The following DENND5B variants were observed in gnomAD, a reference collection of about 807,000 sequenced individuals.
DENND5B encodes the protein DENN domain-containing protein 5B.
A neutral mutation model predicts 140.6 loss-of-function variants in DENND5B; 34 were observed. That is an observed-to-expected ratio of 0.24 (90% CI 0.18 to 0.32). The LOEUF (loss-of-function observed/expected upper bound fraction) is 0.32. DENND5B is among the 10% of genes least tolerant of loss of function. DENND5B has a pLI of 1.00. For synonymous variants in DENND5B, 551 were observed against 562.1 expected (o/e 0.98, Z 0.28); for missense variants, 1,142 against 1,560.2 (o/e 0.73, Z 4.52).
chr12:31,519,182 T>C (rs1346061463), intron 1 of DENND5B, among the ~76,000 whole-genome samples: 1 of 152,196 alleles, frequency 6.6e-6, no homozygotes. Context: ...GGGTGCTTGG[T>C]GATTAGCCAA....
chr12:31,484,597 T>C (rs1782088562), intron 2 of DENND5B, among the ~76,000 whole-genome samples: 1 of 152,116 alleles, frequency 6.6e-6, no homozygotes, highest in Non-Finnish European at 1.5e-5. Context: ...TGAGCTCAGT[T>C]TGAAACCAGC....
intron 9 of DENND5B, among the ~76,000 whole-genome samples, chr12:31,425,568 A>G (rs988028571): frequency 1.3e-5 from 2 of 152,206 alleles, no homozygotes; most frequent in Non-Finnish European, 1.5e-5. Flanking sequence ...AGCATGCACC[A>G]AAAAATGGAA....
chr12:31,590,119 G>A (rs1473274468), intron 1 of DENND5B: 1 of 152,364 alleles, frequency 6.6e-6, no homozygotes, highest in Non-Finnish European at 1.5e-5. Flanking sequence ...GATTCCAAAA[G>A]GTGACTTGGC....
chr12:31,383,226 TTTCA>T lies in DENND5B; in HGVS notation c.*4373_*4376del, dbSNP rs1348341345. The T allele has an allele frequency of 6.6e-6, 1 of 152,198 alleles. No homozygotes were observed. Among genetic ancestry groups the T allele is most frequent in the Non-Finnish European group, 1.5e-5 (1 of 68,026 alleles). 9.4% of individuals were successfully genotyped at this position (152,198 alleles called of 1,614,324 possible). A position where few individuals can be genotyped will look rare whatever the true frequency, so the allele number is the denominator to read the frequency against. On this transcript the variant is annotated 3_prime_UTR_variant, in exon 21 of 21. Transcript: ENST00000389082. Reference sequence around the variant, plus strand: ...TGTAATCTTTAGCAGAAAGAAGATATTTCATTATGAAGAGCTACACTCCTAATGT... The same window carrying T: ...TGTAATCTTTAGCAGAAAGAAGATATTTATGAAGAGCTACACTCCTAATGT...
chr12:31,590,942 C>G lies in DENND5B; in HGVS notation c.-110G>C. 1 of 1,098,538 alleles carries G rather than the reference C, an allele frequency of 9.1e-7. No homozygotes were observed. The highest frequency in any genetic ancestry group is 1.1e-6 in the Non-Finnish European group (1 of 897,806). 68.0% of individuals were successfully genotyped at this position (1,098,538 alleles called of 1,614,324 possible). A position where few individuals can be genotyped will look rare whatever the true frequency, so the allele number is the denominator to read the frequency against. ...TCTGTGCGCCCGCCCTAGGGCGACA[C>G]TGGCGCGCCCATGGCCGCGCAGCCG... is the stretch of plus-strand genomic sequence containing the variant. On this transcript the variant is annotated 5_prime_UTR_variant, in exon 1 of 21. Coordinates refer to ENST00000389082, the MANE Select transcript of DENND5B (RefSeq NM_144973.4).
chr12:31,446,026 T>A (rs1944261449), intron 6 of DENND5B, among the ~76,000 whole-genome samples: 1 of 151,488 alleles, frequency 6.6e-6, no homozygotes, highest in South Asian at 2.1e-4. Context: ...AAAAAAAAAA[T>A]TCGTGAACAC....
At chr12:31,539,882 A>G (rs1273825517) in intron 1 of DENND5B, among the ~76,000 whole-genome samples, 2 of 152,150 alleles carry the variant, frequency 1.3e-5, no homozygotes, top group Non-Finnish European at 2.9e-5. Flanking sequence ...AGCTAGAGCA[A>G]TCAGACAAGA....
chr12:31,571,117 T>C (rs1949807920), intron 1 of DENND5B, among the ~76,000 whole-genome samples: 1 of 151,122 alleles, frequency 6.6e-6, no homozygotes, highest in African/African-American at 2.5e-5. Context: ...GAAGGACAAG[T>C]GTCAGATCTG....
intron 7 of DENND5B, among the ~76,000 whole-genome samples, chr12:31,440,262 G>A (rs545422955): frequency 2.0e-5 from 3 of 152,050 alleles, no homozygotes; most frequent in African/African-American, 4.8e-5. Flanking sequence ...ATTGCACGTC[G>A]TGGCTTCCAA....
intron 1 of DENND5B, among the ~76,000 whole-genome samples, chr12:31,588,768 G>A (rs1210252874): frequency 2.6e-5 from 4 of 152,184 alleles, no homozygotes; most frequent in African/African-American, 9.7e-5. Context: ...TATGCTCCAT[G>A]ATGGCAGGGA....
At position 31,591,072 on chromosome 12, in the gene DENND5B, G is replaced by A. The variant is rs991334875; in HGVS notation, c.-240C>T. ...GGCCGGGTGGGGGAGGGGCGCGGGG[G>A]GAGTGTCGGCCTGAGAGGCCCTCGC... is the stretch of plus-strand genomic sequence containing the variant. On this transcript the variant is annotated 5_prime_UTR_variant, in exon 1 of 21. Transcript: ENST00000389082. The A allele has an allele frequency of 5.4e-6, 1 of 184,560 alleles. No individual in the cohort carries two copies. Among genetic ancestry groups the A allele is most frequent in the African/African-American group, 2.4e-5 (1 of 41,160 alleles). The allele number at this position is 184,560 out of a possible 1,614,324, so 11.4% of individuals were successfully genotyped here.
At chr12:31,490,410 G>A (rs944219636) in intron 2 of DENND5B, among the ~76,000 whole-genome samples, 21 of 151,936 alleles carry the variant, frequency 1.4e-4, no homozygotes, top group Admixed American at 1.2e-3. Context: ...CCAGGAGTTC[G>A]AGAGTAGCCT....
At chr12:31,444,849 A>G (rs1944207809) in intron 6 of DENND5B, among the ~76,000 whole-genome samples, 1 of 152,182 alleles carries the variant, frequency 6.6e-6, no homozygotes, top group African/African-American at 2.4e-5. Flanking sequence ...GGTAATTGCC[A>G]CTTCCTGAAG....
At chr12:31,538,149 A>G (rs1266945031) in intron 1 of DENND5B, among the ~76,000 whole-genome samples, 4 of 152,192 alleles carry the variant, frequency 2.6e-5, no homozygotes. Flanking sequence ...AATGGACCTA[A>G]TCAGACCAAA....
chr12:31,476,514 T>A (rs1280415924), intron 3 of DENND5B, among the ~76,000 whole-genome samples: 1 of 151,568 alleles, frequency 6.6e-6, no homozygotes, highest in Non-Finnish European at 1.5e-5. Context: ...ATTATCCCTA[T>A]AGAGATGTGG....
At chr12:31,556,101 C>T (rs1463219835) in intron 1 of DENND5B, among the ~76,000 whole-genome samples, 4 of 152,254 alleles carry the variant, frequency 2.6e-5, no homozygotes, top group African/African-American at 9.6e-5. Flanking sequence ...TGAGATGAAC[C>T]CGGTACCTCA....
At chr12:31,532,447 T>G (rs1470836837) in intron 1 of DENND5B, among the ~76,000 whole-genome samples, 1 of 152,150 alleles carries the variant, frequency 6.6e-6, no homozygotes, top group Non-Finnish European at 1.5e-5. Context: ...GAGGTGGCTT[T>G]AAGTGGTGTA....
intron 1 of DENND5B, among the ~76,000 whole-genome samples, chr12:31,530,257 C>T (rs181032331): frequency 2.0e-5 from 3 of 152,232 alleles, no homozygotes; most frequent in African/African-American, 7.2e-5. Context: ...ACTGTAGTCC[C>T]AGCTACTTGG....
Position 31,570,150 on chromosome 12 carries a change from G to A in DENND5B, c.127+20556C>T, listed in dbSNP as rs140170269. On this transcript the variant is annotated intron_variant, in intron 1 of 20. Coordinates refer to ENST00000389082, the MANE Select transcript of DENND5B (RefSeq NM_144973.4). The stretch of plus-strand genomic sequence containing the variant: ...GTGGAGGTTGCAGTGAGCCAAGATC[G>A]CCAACACTGCACTCCAGCCTGGGTG... Among the ~76,000 whole-genome samples, 331 of 148,614 alleles carry A rather than the reference G, an allele frequency of 2.2e-3. 1 individual carries two copies. The highest frequency in any genetic ancestry group is 7.5e-3 in the African/African-American group (303 of 40,328).
Sources: gnomAD v4.1 joint callset for allele counts (sites outside exome capture counted in the v4.1 genomes callset) on GRCh38, gnomAD v4.1.1 for gene constraint, MANE v1.5 for transcripts, NCBI Gene and HGNC (gene_info 2026-07-23, HGNC 2026-07-21) for gene names.